The following MARCHF1 variants were observed in gnomAD, a reference collection of about 807,000 sequenced individuals.
The protein encoded by MARCHF1 is E3 ubiquitin-protein ligase MARCHF1.
MARCHF1 carries 40 observed loss-of-function variants against 54.2 expected under a neutral mutation model. The ratio of observed to expected loss-of-function variants is 0.74; its 90% CI spans 0.57 to 0.96. The LOEUF (loss-of-function observed/expected upper bound fraction) is 0.96. Ranked by LOEUF, MARCHF1 falls within the 40% of genes least tolerant of loss-of-function variation. MARCHF1 has a pLI of 0.00. For missense variants in MARCHF1, 586 were observed against 656.5 expected (o/e 0.89, Z 1.17); for synonymous variants, 236 against 236.3 (o/e 1.00, Z 0.01).
intron 9 of MARCHF1, among the ~76,000 whole-genome samples, chr4:163,535,064 T>G (rs1334338139): frequency 6.6e-6 from 1 of 152,090 alleles, no homozygotes; most frequent in African/African-American, 2.4e-5. Flanking sequence ...AGTGCAACTT[T>G]TAAAAAATGT....
chr4:163,939,725 G>T (rs1237747799), intron 3 of MARCHF1, among the ~76,000 whole-genome samples: 2 of 152,162 alleles, frequency 1.3e-5, no homozygotes, highest in Admixed American at 6.6e-5. Context: ...CCAATTGAAA[G>T]ATGGCCTTTT....
intron 1 of MARCHF1, among the ~76,000 whole-genome samples, chr4:164,139,316 C>G (rs1374689385): frequency 6.6e-6 from 1 of 152,140 alleles, no homozygotes; most frequent in Non-Finnish European, 1.5e-5. Context: ...AGTGCCCAAA[C>G]TTAAGTAGAA....
intron 1 of MARCHF1, among the ~76,000 whole-genome samples, chr4:164,143,236 G>A (rs1277549904): frequency 1.3e-5 from 2 of 151,832 alleles, no homozygotes; most frequent in African/African-American, 4.8e-5. Context: ...GAACCAAGTT[G>A]GAAAACACTC....
At chr4:163,554,513 G>A (rs1739220910) in intron 8 of MARCHF1, among the ~76,000 whole-genome samples, 1 of 152,192 alleles carries the variant, frequency 6.6e-6, no homozygotes, top group East Asian at 1.9e-4. Context: ...AAGCCACATG[G>A]TCAGAGAGGC....
chr4:164,156,768 T>C (rs761010315), intron 1 of MARCHF1, among the ~76,000 whole-genome samples: 1 of 152,102 alleles, frequency 6.6e-6, no homozygotes, highest in Non-Finnish European at 1.5e-5. Flanking sequence ...TAATGTCACA[T>C]ATATCCCATC....
chr4:164,283,506 C>T lies in MARCHF1; in HGVS notation c.-323+100364G>A, dbSNP rs1325230105. On this transcript the variant is annotated intron_variant, in intron 1 of 9. Transcript: ENST00000514618. ...TAATACTCACTAACAAATAGAACAC[C>T]GGAAAAGGACAAGAGGGAGGTCTGG... Among the ~76,000 whole-genome samples the T allele has an allele frequency of 6.0e-5, 9 of 150,724 alleles. 1 individual carries two copies. The highest frequency in any genetic ancestry group is 2.0e-4 in the East Asian group (1 of 4,948).
intron 1 of MARCHF1, among the ~76,000 whole-genome samples, chr4:164,348,783 A>T (rs981488200): frequency 6.6e-6 from 1 of 152,172 alleles, no homozygotes; most frequent in African/African-American, 2.4e-5. Context: ...TGACCATGGC[A>T]GGGGGTGTTT....
intron 3 of MARCHF1, among the ~76,000 whole-genome samples, chr4:163,890,439 G>A (rs1434736974): frequency 1.3e-5 from 2 of 152,022 alleles, no homozygotes; most frequent in East Asian, 3.9e-4. Context: ...ATAAGAGTGT[G>A]GACTTTAGAG....
intron 3 of MARCHF1, among the ~76,000 whole-genome samples, chr4:163,940,495 TTGTGTGTGTGTTTCTG>T (rs989296797): frequency 6.6e-6 from 1 of 151,934 alleles, no homozygotes; most frequent in Non-Finnish European, 1.5e-5. Context: ...CTGTAATAGA[TTGTGTGTGTGTTTCTG>T]TGTGTGTGTG....
At chr4:163,567,688 T>G (rs1048693245) in intron 8 of MARCHF1, among the ~76,000 whole-genome samples, 1 of 152,176 alleles carries the variant, frequency 6.6e-6, no homozygotes, top group Non-Finnish European at 1.5e-5. Context: ...CTTTTCACCT[T>G]ACACAATGAT....
chr4:163,611,507 G>C (rs1039799491), intron 7 of MARCHF1, among the ~76,000 whole-genome samples: 1 of 151,924 alleles, frequency 6.6e-6, no homozygotes. Context: ...TAAATGATTA[G>C]GTATAATATG....
At chr4:163,648,359 A>G (rs1458006630) in intron 5 of MARCHF1, among the ~76,000 whole-genome samples, 1 of 151,952 alleles carries the variant, frequency 6.6e-6, no homozygotes, top group Admixed American at 6.6e-5. Flanking sequence ...TTGGACATGT[A>G]CAGAACATTG....
intron 4 of MARCHF1, among the ~76,000 whole-genome samples, chr4:163,757,031 T>G (rs1372178648): frequency 1.3e-5 from 2 of 152,210 alleles, no homozygotes; most frequent in Non-Finnish European, 2.9e-5. Flanking sequence ...TACATGGATT[T>G]AAGAATCACA....
chr4:164,362,223 T>C (rs1470952766), intron 1 of MARCHF1, among the ~76,000 whole-genome samples: 1 of 152,172 alleles, frequency 6.6e-6, no homozygotes, highest in Non-Finnish European at 1.5e-5. Context: ...TGTGTGTGAT[T>C]ATATCTAAGA....
intron 2 of MARCHF1, among the ~76,000 whole-genome samples, chr4:164,002,980 G>A (rs1753214571): frequency 6.6e-6 from 1 of 151,714 alleles, no homozygotes; most frequent in Non-Finnish European, 1.5e-5. Flanking sequence ...CGTAATAATA[G>A]AAAATTTATG....
intron 2 of MARCHF1, among the ~76,000 whole-genome samples, chr4:164,062,177 C>G (rs1754632671): frequency 6.6e-6 from 1 of 152,126 alleles, no homozygotes. Context: ...CCATAAGAAA[C>G]AACTTCTCAT....
At chr4:163,639,053 T>C (rs556401478) in intron 5 of MARCHF1, among the ~76,000 whole-genome samples, 4 of 152,256 alleles carry the variant, frequency 2.6e-5, no homozygotes, top group African/African-American at 9.6e-5. Context: ...TGGGGAGTTA[T>C]TGTTTAATGG....
intron 1 of MARCHF1, among the ~76,000 whole-genome samples, chr4:164,306,164 G>A (rs890466252): frequency 4.6e-5 from 7 of 152,156 alleles, no homozygotes; most frequent in Non-Finnish European, 7.4e-5. Flanking sequence ...ATTTGTCATC[G>A]TCAGGAAACC....
At chr4:163,936,773 A>C (rs1751804756) in intron 3 of MARCHF1, among the ~76,000 whole-genome samples, 1 of 152,110 alleles carries the variant, frequency 6.6e-6, no homozygotes, top group South Asian at 2.1e-4. Flanking sequence ...TATAAACAAA[A>C]TTTTTCTCCC....
Sources: allele counts gnomAD v4.1 joint callset (sites outside exome capture counted in the v4.1 genomes callset), GRCh38; gene constraint gnomAD v4.1.1; transcripts MANE v1.5; gene names NCBI Gene and HGNC (gene_info 2026-07-23, HGNC 2026-07-21).